PTPRD: variants seen among roughly 807,000 people sequenced by gnomAD.
The protein encoded by PTPRD is protein tyrosine phosphatase receptor type D.
Under a neutral mutation model 214.5 loss-of-function variants are expected in PTPRD, and 34 were observed. The ratio of observed to expected loss-of-function variants is 0.16; its 90% CI spans 0.12 to 0.21. PTPRD has a LOEUF of 0.21. PTPRD is among the 10% of genes least tolerant of loss of function. The pLI is 1.00. For synonymous variants in PTPRD, 1,128 were observed against 845.7 expected, an observed-to-expected ratio of 1.33 and a Z score of -5.79; for missense variants, 2,545 against 2,398.7, an observed-to-expected ratio of 1.06 and a Z score of -1.27.
intron 7 of PTPRD, among the ~76,000 whole-genome samples, chr9:9,586,432 A>T (rs1302423914): frequency 2.6e-5 from 4 of 151,990 alleles, no homozygotes; most frequent in African/African-American, 9.7e-5. Context: ...TCTTGAGTTG[A>T]GTTTTATGTA....
intron 11 of PTPRD, among the ~76,000 whole-genome samples, chr9:8,873,784 A>G (rs2154210308): frequency 6.6e-6 from 1 of 152,310 alleles, no homozygotes; most frequent in South Asian, 2.1e-4. Context: ...AACCCTGCAG[A>G]GAAATATGAG....
chr9:10,612,207 C>T (rs201089891), intron 2 of PTPRD, among the ~76,000 whole-genome samples, 191 bp downstream of exon 2: 2 of 24,444 alleles, frequency 8.2e-5, no homozygotes, highest in African/African-American at 1.7e-4. Context: ...AAGGGCTCTT[C>T]CAAAAAAAAA....
At chr9:8,632,147 GTC>G (rs746829220) in intron 14 of PTPRD, among the ~76,000 whole-genome samples, 12,798 of 139,158 alleles carry the variant, frequency 0.092, 619 homozygotes, top group South Asian at 0.11. Flanking sequence ...GTGTGTGTGT[GTC>G]TGTGTGTGTG....
intron 8 of PTPRD, among the ~76,000 whole-genome samples, chr9:9,532,496 C>T (rs371438473): frequency 2.6e-5 from 4 of 152,124 alleles, no homozygotes; most frequent in Non-Finnish European, 2.9e-5. Context: ...TAGGTCCCCA[C>T]CCAGCTGGAA....
At chr9:8,782,599 T>G (rs1329153210) in intron 11 of PTPRD, among the ~76,000 whole-genome samples, 2 of 101,076 alleles carry the variant, frequency 2.0e-5, no homozygotes, top group Non-Finnish European at 3.5e-5. Flanking sequence ...CTTAACGCTT[T>G]TTTTTTTTTT....
intron 11 of PTPRD, among the ~76,000 whole-genome samples, chr9:8,760,598 C>CTGTGTGTGTGTGTGTGTGTG (rs34488235): frequency 1.4e-5 from 2 of 145,008 alleles, no homozygotes; most frequent in East Asian, 4.0e-4. Context: ...CTCTCTCTGT[C>CTGTGTGTGTGTGTGTGTGTG]TGTGTGTGTG....
At chr9:8,791,141 T>C (rs1000102898) in intron 11 of PTPRD, among the ~76,000 whole-genome samples, 2 of 152,134 alleles carry the variant, frequency 1.3e-5, no homozygotes, top group Admixed American at 1.3e-4. Context: ...GCCAATTACA[T>C]GGAAATTAAA....
intron 11 of PTPRD, among the ~76,000 whole-genome samples, chr9:8,734,302 T>G (rs909214805): frequency 2.0e-5 from 3 of 152,170 alleles, no homozygotes; most frequent in African/African-American, 7.2e-5. Context: ...AATACATCAG[T>G]GCAAAGAAGC....
intron 7 of PTPRD, among the ~76,000 whole-genome samples, chr9:9,721,956 A>C (rs1382779441): frequency 6.6e-6 from 1 of 152,076 alleles, no homozygotes; most frequent in African/African-American, 2.4e-5. Context: ...ATGATTTTTT[A>C]AATATTTTGG....
At chr9:9,984,556 A>C (rs1423725891) in intron 4 of PTPRD, among the ~76,000 whole-genome samples, 1 of 152,172 alleles carries the variant, frequency 6.6e-6, no homozygotes, top group Admixed American at 6.5e-5. Flanking sequence ...GTGTATGGGT[A>C]CACAGAGTGA....
chr9:8,751,872 A>G (rs1463902374), intron 11 of PTPRD, among the ~76,000 whole-genome samples: 1 of 152,134 alleles, frequency 6.6e-6, no homozygotes, highest in African/African-American at 2.4e-5. Flanking sequence ...AACCTGACAC[A>G]CACAATAATG....
intron 9 of PTPRD, among the ~76,000 whole-genome samples, chr9:9,286,409 C>T (rs140825950): frequency 3.3e-5 from 5 of 151,964 alleles, no homozygotes; most frequent in Non-Finnish European, 5.9e-5. Flanking sequence ...TTTGCTACTA[C>T]TAGCATTTCC....
intron 37 of PTPRD, among the ~76,000 whole-genome samples, chr9:8,379,808 T>C (rs2084405765): frequency 6.6e-6 from 1 of 152,152 alleles, no homozygotes; most frequent in African/African-American, 2.4e-5. Context: ...TGCCTTTTTC[T>C]ATTTGATTTA....
intron 3 of PTPRD, among the ~76,000 whole-genome samples, chr9:10,247,016 C>A (rs543523540): frequency 6.6e-6 from 1 of 152,160 alleles, no homozygotes; most frequent in Admixed American, 6.5e-5. Flanking sequence ...TACTCACTAA[C>A]TTTGTTTAAA....
At chr9:10,495,949 T>C (rs185583153) in intron 2 of PTPRD, among the ~76,000 whole-genome samples, 2 of 151,900 alleles carry the variant, frequency 1.3e-5, no homozygotes, top group East Asian at 1.9e-4. Flanking sequence ...TTATCAAAGT[T>C]GTATTTAGTA....
chr9:9,138,795 T>A (rs1466242835), intron 10 of PTPRD, among the ~76,000 whole-genome samples: 1 of 152,128 alleles, frequency 6.6e-6, no homozygotes, highest in African/African-American at 2.4e-5. Context: ...TAATAAGCAT[T>A]TTTTTGATAT....
At chr9:8,665,965 T>A (rs545282033) in intron 12 of PTPRD, among the ~76,000 whole-genome samples, 18 of 152,070 alleles carry the variant, frequency 1.2e-4, no homozygotes, top group South Asian at 6.2e-4. Flanking sequence ...TCCAATGAAA[T>A]AAAGTGTGTT....
chr9:10,252,671 T>G (rs138689997), intron 3 of PTPRD, among the ~76,000 whole-genome samples: 2 of 152,222 alleles, frequency 1.3e-5, no homozygotes, highest in African/African-American at 4.8e-5. Flanking sequence ...ATAGATAAAT[T>G]AGCATAATCA....
chr9:8,602,524 A>C (rs2094930690), intron 14 of PTPRD, among the ~76,000 whole-genome samples: 2 of 125,316 alleles, frequency 1.6e-5, no homozygotes, highest in Admixed American at 1.6e-4. Context: ...GACAATATAC[A>C]AACAAATATT....
Sources: gnomAD v4.1 joint callset for allele counts (sites outside exome capture counted in the v4.1 genomes callset) on GRCh38, gnomAD v4.1.1 for gene constraint, MANE v1.5 for transcripts, NCBI Gene and HGNC (gene_info 2026-07-23, HGNC 2026-07-21) for gene names.